Variants in BCKDHB observed in about 807,000 individuals in gnomAD.
BCKDHB encodes the protein branched chain keto acid dehydrogenase E1 subunit beta, also known as 2-oxoisovalerate dehydrogenase subunit beta, mitochondrial.
A neutral mutation model predicts 48.5 loss-of-function variants in BCKDHB; 41 were observed. That is an observed-to-expected ratio of 0.85 (90% CI 0.66 to 1.10). The LOEUF is 1.10. Ranked by LOEUF, BCKDHB falls within the 50% of genes least tolerant of loss-of-function variation. The pLI is 0.00. For synonymous variants in BCKDHB, 201 were observed against 174.8 expected, an observed-to-expected ratio of 1.15 and a Z score of -1.18; for missense variants, 496 against 494.2, an observed-to-expected ratio of 1.00 and a Z score of -0.03.
the BCKDHB span, chr6:80,355,528 AT>A: frequency 6.6e-6 from 1 of 152,092 alleles, no homozygotes; most frequent in Non-Finnish European, 1.5e-5. Flanking sequence ...GGAGAACAGT[AT>A]AGTAAAAGTC....
At position 80,136,201 on chromosome 6, in the gene BCKDHB, T is replaced by C. The variant is rs146780761; in HGVS notation, c.343+6972T>C. Reference sequence around the variant, plus strand: ...AACAAAGTTGGAGGACTCACAGTTCTTTTTTTCAAAACTTACTGCAAAGCT... The same window carrying C: ...AACAAAGTTGGAGGACTCACAGTTCCTTTTTTCAAAACTTACTGCAAAGCT... On this transcript the variant is annotated intron_variant, in intron 3 of 9. Coordinates refer to ENST00000320393, the MANE Select transcript of BCKDHB (RefSeq NM_183050.4). 1.7e-3 allele frequency among the ~76,000 whole-genome samples: 263 copies of C among 152,234 alleles called. 1 individual carries two copies. Among genetic ancestry groups the C allele is most frequent in the African/African-American group, 6.0e-3 (249 of 41,564 alleles).
the BCKDHB span, among the ~76,000 whole-genome samples, chr6:80,358,320 G>A: frequency 3.3e-5 from 5 of 151,902 alleles, no homozygotes; most frequent in African/African-American, 7.3e-5. Context: ...TACACATATG[G>A]GTGTGCATTT....
At chr6:80,166,528 C>T (rs935702796) in intron 3 of BCKDHB, among the ~76,000 whole-genome samples, 7 of 149,942 alleles carry the variant, frequency 4.7e-5, no homozygotes, top group East Asian at 2.0e-4. Flanking sequence ...TAGTGGTGGG[C>T]GCCTATAATC....
chr6:80,385,439 G>A, the BCKDHB span, among the ~76,000 whole-genome samples: 1 of 152,216 alleles, frequency 6.6e-6, no homozygotes, highest in Non-Finnish European at 1.5e-5. Flanking sequence ...GGAGGACCCT[G>A]TTGAAGCTGG....
intron 9 of BCKDHB, among the ~76,000 whole-genome samples, chr6:80,279,675 A>G (rs868183564): frequency 1.3e-5 from 2 of 151,660 alleles, no homozygotes; most frequent in Non-Finnish European, 2.9e-5. Flanking sequence ...TTTTGACTCC[A>G]GTATGCAGAT....
intron 1 of BCKDHB, among the ~76,000 whole-genome samples, chr6:80,113,296 C>T (rs1769511309): frequency 6.6e-6 from 1 of 152,202 alleles, no homozygotes; most frequent in Non-Finnish European, 1.5e-5. Context: ...CCTTGGCCTT[C>T]AGGTAACACT....
rs544604278 is a variant in BCKDHB, at chr6:80,172,654, G to A, written c.742+1264G>A. 3.7e-4 allele frequency among the ~76,000 whole-genome samples: 56 copies of A among 152,196 alleles called. 1 individual carries two copies. The South Asian group carries it at 0.011, about 31-fold the overall frequency. Reference sequence around the variant, plus strand: ...AAGAACACCCAAAAATCTGAGGCGTGTACAGTATTGTTTAATAAGTAGCAT... The same window carrying A: ...AAGAACACCCAAAAATCTGAGGCGTATACAGTATTGTTTAATAAGTAGCAT... On this transcript the variant is annotated intron_variant, in intron 6 of 9. Coordinates refer to ENST00000320393, the MANE Select transcript of BCKDHB (RefSeq NM_183050.4).
intron 8 of BCKDHB, among the ~76,000 whole-genome samples, chr6:80,206,157 A>C (rs1004375267): frequency 6.6e-5 from 10 of 152,076 alleles, no homozygotes; most frequent in Admixed American, 2.0e-4. Flanking sequence ...TCATACTCTC[A>C]ATTGAAAGCC....
At chr6:80,257,433 CAT>C (rs58367109) in intron 8 of BCKDHB, among the ~76,000 whole-genome samples, 63,259 of 146,626 alleles carry the variant, frequency 0.43, 13,698 homozygotes, top group African/African-American at 0.47. Flanking sequence ...CTTAAAGATA[CAT>C]ATATATATAT....
chr6:80,199,545 G>T (rs1176977871), intron 6 of BCKDHB, among the ~76,000 whole-genome samples: 1 of 151,134 alleles, frequency 6.6e-6, no homozygotes, highest in Non-Finnish European at 1.5e-5. Flanking sequence ...TGGGAGCCTC[G>T]GGGGGCAGAT....
intron 3 of BCKDHB, among the ~76,000 whole-genome samples, chr6:80,152,441 C>CA (rs1306803151): frequency 6.6e-6 from 1 of 152,082 alleles, no homozygotes; most frequent in Admixed American, 6.6e-5. Context: ...TTTTTCTCTT[C>CA]AAGTGTCACT....
chr6:80,314,935 C>G lies in BCKDHB; in HGVS notation c.1039-28729C>G, dbSNP rs575591730. 8.5e-5 allele frequency among the ~76,000 whole-genome samples: 13 copies of G among 152,294 alleles called. No homozygotes were observed. The South Asian group carries it at 2.7e-3, about 32-fold the overall frequency. ...TCGCTGCTCATCCAGACCGTTTGTA[C>G]TCTGCAAAGCCCACGGGCTGGAATG... On this transcript the variant is annotated intron_variant, in intron 9 of 9. Transcript: ENST00000320393.
At chr6:80,252,132 AGGTTAAGTAAG>A (rs1466268075) in intron 8 of BCKDHB, among the ~76,000 whole-genome samples, 3 of 152,188 alleles carry the variant, frequency 2.0e-5, no homozygotes, top group African/African-American at 7.2e-5. Flanking sequence ...TGTCTCAGAC[AGGTTAAGTAAG>A]TTGCCCATGT....
At chr6:80,317,965 G>A (rs1206054833) in intron 9 of BCKDHB, among the ~76,000 whole-genome samples, 2 of 152,086 alleles carry the variant, frequency 1.3e-5, no homozygotes, top group African/African-American at 4.8e-5. Context: ...GTTTTGAGAT[G>A]TTTTCCCTCC....
At chr6:80,132,825 A>T (rs1770696484) in intron 3 of BCKDHB, among the ~76,000 whole-genome samples, 1 of 152,194 alleles carries the variant, frequency 6.6e-6, no homozygotes, top group South Asian at 2.1e-4. Flanking sequence ...AGAATAAAGG[A>T]AAGGGTGAAG....
the BCKDHB span, among the ~76,000 whole-genome samples, chr6:80,414,866 A>G: frequency 6.6e-6 from 1 of 152,164 alleles, no homozygotes; most frequent in African/African-American, 2.4e-5. Flanking sequence ...TTACAAGGAT[A>G]TTGAATCTTC....
intron 1 of BCKDHB, among the ~76,000 whole-genome samples, chr6:80,126,562 T>C (rs72906886): frequency 0.067 from 10,144 of 152,178 alleles, 425 homozygotes; most frequent in South Asian, 0.099. Flanking sequence ...TGATTTGTTA[T>C]CAGCATGCTG....
chr6:80,307,200 T>C (rs544687425), intron 9 of BCKDHB, among the ~76,000 whole-genome samples: 1 of 152,292 alleles, frequency 6.6e-6, no homozygotes, highest in Non-Finnish European at 1.5e-5. Context: ...CTACTACTTA[T>C]TAATAGCTGT....
chr6:80,286,609 A>AT (rs1766637277), intron 9 of BCKDHB, among the ~76,000 whole-genome samples: 1 of 152,274 alleles, frequency 6.6e-6, no homozygotes, highest in Middle Eastern at 3.4e-3. Context: ...GAGAGGGTAG[A>AT]ATTCCTTATT....
Sources: allele counts gnomAD v4.1 joint callset (sites outside exome capture counted in the v4.1 genomes callset), GRCh38; gene constraint gnomAD v4.1.1; transcripts MANE v1.5; gene names NCBI Gene and HGNC (gene_info 2026-07-23, HGNC 2026-07-21).